The following GALNT7 variants were observed in gnomAD, a reference collection of about 807,000 sequenced individuals.
GALNT7 encodes polypeptide N-acetylgalactosaminyltransferase 7.
Under a neutral mutation model 82.1 loss-of-function variants are expected in GALNT7, and 60 were observed. That is an observed-to-expected ratio of 0.73 (90% CI 0.59 to 0.91). GALNT7 has a LOEUF of 0.91. Ranked by LOEUF, GALNT7 falls within the 40% of genes least tolerant of loss-of-function variation. The probability of loss-of-function intolerance (pLI) is 0.00; values close to 1 mark genes in which losing one functional copy is unlikely to be tolerated. For missense variants in GALNT7, 660 were observed against 804.2 expected (o/e 0.82, Z 2.17); for synonymous variants, 243 against 275.1 (o/e 0.88, Z 1.15).
chr4:173,230,861 C>T (rs1166755590), intron 1 of GALNT7, among the ~76,000 whole-genome samples: 1 of 152,176 alleles, frequency 6.6e-6, no homozygotes, highest in African/African-American at 2.4e-5. Flanking sequence ...GTGTAATTAT[C>T]TTCTGCTGTC....
intron 8 of GALNT7, among the ~76,000 whole-genome samples, chr4:173,307,354 G>A (rs1287802126): frequency 1.3e-5 from 2 of 152,222 alleles, no homozygotes; most frequent in Non-Finnish European, 2.9e-5. Flanking sequence ...TTTCGCTACT[G>A]TATTGATAAC....
intron 1 of GALNT7, among the ~76,000 whole-genome samples, chr4:173,239,121 G>A (rs1209570069): frequency 6.6e-6 from 1 of 152,108 alleles, no homozygotes; most frequent in African/African-American, 2.4e-5. Flanking sequence ...TTTAAATAAA[G>A]TACTCATTTT....
At chr4:173,231,462 A>C (rs1456843421) in intron 1 of GALNT7, among the ~76,000 whole-genome samples, 1 of 152,168 alleles carries the variant, frequency 6.6e-6, no homozygotes, top group Non-Finnish European at 1.5e-5. Flanking sequence ...CCAGCACAGG[A>C]TCAGGAGTCA....
At chr4:173,305,624 GAT>G (rs1327140080) in intron 8 of GALNT7, among the ~76,000 whole-genome samples, 1 of 152,038 alleles carries the variant, frequency 6.6e-6, no homozygotes, top group Non-Finnish European at 1.5e-5. Context: ...TTTGCATATG[GAT>G]ATCTAGTTTT....
At chr4:173,281,633 A>T (rs1434153193) in intron 2 of GALNT7, among the ~76,000 whole-genome samples, 1 of 152,198 alleles carries the variant, frequency 6.6e-6, no homozygotes, top group Non-Finnish European at 1.5e-5. Context: ...CTCCTGCCCA[A>T]GTACACTTCA....
At chr4:173,318,316 T>C in intron 10 of GALNT7, 115 bp from the exon 11 acceptor site, 1 of 751,294 alleles carries the variant, frequency 1.3e-6, no homozygotes, top group Non-Finnish European at 2.2e-6. Context: ...AACAAAATTA[T>C]GGAAAAATAA....
intron 2 of GALNT7, among the ~76,000 whole-genome samples, chr4:173,280,866 C>A (rs1002336660): frequency 6.6e-6 from 1 of 152,172 alleles, no homozygotes; most frequent in African/African-American, 2.4e-5. Flanking sequence ...AATACTACTT[C>A]TGTGTGCTCT....
At chr4:173,286,116 T>C (rs1234366959) in intron 2 of GALNT7, among the ~76,000 whole-genome samples, 1 of 152,232 alleles carries the variant, frequency 6.6e-6, no homozygotes, top group African/African-American at 2.4e-5. Context: ...ATATCCACTT[T>C]GAGGTAAGCT....
At chr4:173,178,052 TGCGCGCACGCGC>T (rs71606495) in intron 1 of GALNT7, among the ~76,000 whole-genome samples, 2 of 129,510 alleles carry the variant, frequency 1.5e-5, no homozygotes, top group East Asian at 2.3e-4. Flanking sequence ...TGTGTGTGTG[TGCGCGCACGCGC>T]GTGCGCACAG....
At position 173,295,471 on chromosome 4, in the gene GALNT7, G is replaced by A; in HGVS notation, c.830G>A (p.Arg277Lys). Residue 277 changes from arginine (R) to lysine (K), a missense_variant, in exon 4 of 12, where the codon AGG (arginine) becomes AAG (lysine). This residue lies in a region of GALNT7 where 527 missense variants were observed against 683.5 expected (regional missense o/e 0.77). Coordinates refer to ENST00000265000, the MANE Select transcript of GALNT7 (RefSeq NM_017423.3). ...GTGAAGGTATTTCGAAATGAAAGAA[G>A]GGAAGGTTTAATTCAAGCACGAAGT... ...GLVKVFRNERREGLIQARSIG... is the reference protein window; with the variant it reads ...GLVKVFRNERKEGLIQARSIG... 6.2e-7 allele frequency: 1 copy of A among 1,612,678 alleles called. No individual in the cohort carries two copies. Among genetic ancestry groups the A allele is most frequent in the Non-Finnish European group, 8.5e-7 (1 of 1,178,760 alleles).
At chr4:173,269,077 A>G (rs62342301) in intron 2 of GALNT7, among the ~76,000 whole-genome samples, 1,925 of 152,236 alleles carry the variant, frequency 0.013, 23 homozygotes, top group Middle Eastern at 0.024. Flanking sequence ...AACAGTGAAG[A>G]TGTTTCTCAG....
Position 173,313,982 on chromosome 4 carries a change from TG to T in GALNT7, c.1416del (p.Trp472CysfsTer27). The T allele has an allele frequency of 6.3e-7, 1 of 1,577,952 alleles. No homozygotes were observed. The highest frequency in any genetic ancestry group is 8.7e-7 in the Non-Finnish European group (1 of 1,147,620). On this transcript the variant is annotated frameshift_variant, in exon 9 of 12. Transcript: ENST00000265000. LOFTEE classifies it high-confidence loss of function. ...GAATTATGTTAGAGTTGTGGAGGTT[TG>T]GTGGGATGAATATAAAGACTACTTC... is the stretch of plus-strand genomic sequence containing the variant. ...LKNYVRVVEV[W>X]WDEYKDYFYA...
chr4:173,237,826 T>A (rs1734286519), intron 1 of GALNT7, among the ~76,000 whole-genome samples: 1 of 151,710 alleles, frequency 6.6e-6, no homozygotes. Flanking sequence ...TATTTTAAAA[T>A]ATTTTAAAGA....
chr4:173,174,228 C>T (rs1731965165), intron 1 of GALNT7, among the ~76,000 whole-genome samples: 1 of 152,048 alleles, frequency 6.6e-6, no homozygotes, highest in Non-Finnish European at 1.5e-5. Context: ...TATAGACTTC[C>T]TGAAATTAAT....
chr4:173,279,408 A>G (rs1736029581), intron 2 of GALNT7, among the ~76,000 whole-genome samples: 1 of 152,192 alleles, frequency 6.6e-6, no homozygotes, highest in Admixed American at 6.5e-5. Context: ...ACCTCCCACC[A>G]GGCCCCACCT....
chr4:173,274,497 A>G (rs1735831740), intron 2 of GALNT7, among the ~76,000 whole-genome samples: 1 of 152,190 alleles, frequency 6.6e-6, no homozygotes, highest in South Asian at 2.1e-4. Context: ...TTCAAATTAG[A>G]GTCAAAGGAT....
chr4:173,274,183 G>T (rs1210087856), intron 2 of GALNT7, among the ~76,000 whole-genome samples: 1 of 152,048 alleles, frequency 6.6e-6, no homozygotes, highest in Non-Finnish European at 1.5e-5. Flanking sequence ...CTAAATTGTG[G>T]TTTGAGATTT....
chr4:173,273,674 C>T (rs538293624), intron 2 of GALNT7, among the ~76,000 whole-genome samples: 1 of 152,308 alleles, frequency 6.6e-6, no homozygotes, highest in South Asian at 2.1e-4. Flanking sequence ...CAGAACTGTG[C>T]ACACAGGAGC....
intron 2 of GALNT7, among the ~76,000 whole-genome samples, chr4:173,258,849 A>T (rs116410610): frequency 8.1e-4 from 124 of 152,322 alleles, no homozygotes; most frequent in African/African-American, 2.9e-3. Context: ...TTTTACAGGG[A>T]AAGTTAGAAA....
Sources: allele counts gnomAD v4.1 joint callset (sites outside exome capture counted in the v4.1 genomes callset), GRCh38; gene constraint gnomAD v4.1.1; regional missense constraint gnomAD v4.1.1; transcripts MANE v1.5; gene names NCBI Gene and HGNC (gene_info 2026-07-23, HGNC 2026-07-21).